Variants in MAPK3 observed in about 807,000 individuals in gnomAD.
The protein encoded by MAPK3 is mitogen-activated protein kinase 3.
MAPK3 carries 30 observed loss-of-function variants against 41.8 expected under a neutral mutation model. The ratio of observed to expected loss-of-function variants is 0.72; its 90% CI spans 0.54 to 0.97. MAPK3 has a LOEUF of 0.97. Ranked by LOEUF, MAPK3 falls within the 50% of genes least tolerant of loss-of-function variation. The pLI is 0.00. For missense variants in MAPK3, 413 were observed against 509.9 expected, an observed-to-expected ratio of 0.81 and a Z score of 1.83; for synonymous variants, 222 against 213.4, an observed-to-expected ratio of 1.04 and a Z score of -0.35.
chr16:30,116,808 G>T lies in MAPK3; in HGVS notation c.1018-18C>A. The stretch of plus-strand genomic sequence containing the variant: ...GCCACTGGCTGGGGTGGTAGAGACA[G>T]CAAGGCTCAGGCCTGGCATGGGGGA... On this transcript the variant is annotated intron_variant, in intron 7 of 8. Transcript: ENST00000263025. 2 of 1,613,762 alleles carry T rather than the reference G, an allele frequency of 1.2e-6. No individual in the cohort carries two copies. The highest frequency in any genetic ancestry group is 3.3e-5 in the Admixed American group (2 of 60,010).
At chr16:30,117,995 G>A in intron 4 of MAPK3, 52 bp downstream of exon 4, 1 of 1,528,396 alleles carries the variant, frequency 6.5e-7, no homozygotes, top group South Asian at 1.1e-5. Flanking sequence ...GGTAGCTCCA[G>A]GGCTTCCTGG....
intron 2 of MAPK3, among the ~76,000 whole-genome samples, chr16:30,119,615 C>T (rs1335437661): frequency 6.6e-6 from 1 of 152,160 alleles, no homozygotes; most frequent in Non-Finnish European, 1.5e-5. Flanking sequence ...AATGTATGAA[C>T]ACCATCTGGC....
In MAPK3 at chr16:30,117,681, T is replaced by C. The variant is rs1405884583; in HGVS notation, c.764A>G (p.Asn255Ser). The change falls in exon 5 of 9, where the codon AAC becomes AGC. Residue 255 changes from asparagine to serine, a missense_variant. Around this residue, in one of 4 missense-constraint regions of MAPK3, gnomAD observed 5 missense variants for 23.1 expected, o/e 0.22. Transcript: ENST00000263025. Reference sequence around the variant, plus strand: ...CGGGCCTCCCTCACCCAGAATGTGGTTGAGCTGATCCAGGTAGTGCTTGCC... The same window carrying C: ...CGGGCCTCCCTCACCCAGAATGTGGCTGAGCTGATCCAGGTAGTGCTTGCC... ...FPGKHYLDQLNHILGILGSPS... is the reference protein window; with the variant it reads ...FPGKHYLDQLSHILGILGSPS... 6.2e-7 allele frequency: 1 copy of C among 1,613,648 alleles called. No homozygotes were observed. Among genetic ancestry groups the C allele is most frequent in the South Asian group, 1.1e-5 (1 of 91,070 alleles).
Position 30,116,056 on chromosome 16 carries a change from C to CT in MAPK3, c.*32+579dup, listed in dbSNP as rs542597048. 447 of 120,224 alleles carry CT rather than the reference C, an allele frequency of 3.7e-3. 15 individuals carry two copies. The highest frequency in any genetic ancestry group is 0.012 in the Middle Eastern group (2 of 170). 7.4% of individuals were successfully genotyped at this position (120,224 alleles called of 1,614,324 possible). The stretch of plus-strand genomic sequence containing the variant: ...CAGGCATGAGCCACTGTGCCCAGCC[C>CT]TTTTTTTTTTTTTTTTGAGAGAGTC... On this transcript the variant is annotated intron_variant, in intron 8 of 8. Coordinates refer to ENST00000263025, the MANE Select transcript of MAPK3 (RefSeq NM_002746.3).
chr16:30,121,843 G>A lies in MAPK3; in HGVS notation c.334C>T (p.Leu112=). 6.2e-7 allele frequency: 1 copy of A among 1,614,040 alleles called. No individual in the cohort carries two copies. The highest frequency in any genetic ancestry group is 1.7e-5 in the Admixed American group (1 of 60,018). The change falls in exon 2 of 9, where the codon CTG becomes TTG. Residue 112 remains leucine, a synonymous_variant. Transcript: ENST00000263025. The stretch of plus-strand genomic sequence containing the variant: ...GGATACACATCTCTCATGGCTTCCA[G>A]GGTGGACGCCCGCAGAATGTCTCGG... ...GIRDILRAST[L]EAMRDVYIVQ...
In MAPK3 at chr16:30,121,998, T is replaced by C. The variant is rs147961867; in HGVS notation, c.179A>G (p.Tyr60Cys). 79 of 1,614,002 alleles carry C rather than the reference T, an allele frequency of 4.9e-5. No individual in the cohort carries two copies. The East Asian group carries it at 1.2e-3, about 26-fold the overall frequency. Residue 60 changes from tyrosine to cysteine, a missense_variant, in exon 2 of 9, where the codon TAT becomes TGT. Physicochemically the swap from Tyr to Cys is radical, Grantham distance 194. This residue lies in a region of MAPK3 where 145 missense variants were observed against 133.0 expected (regional missense o/e 1.09). Coordinates refer to ENST00000263025, the MANE Select transcript of MAPK3 (RefSeq NM_002746.3). ...CACGCGAGTCTTGCGCACGTGGTCA[T>C]AGGCCGAGCTGAGGGGACCGGAGAG... is the stretch of plus-strand genomic sequence containing the variant. ...EGAYGMVSSA[Y>C]DHVRKTRVAI...
intron 3 of MAPK3, 43 bp downstream of exon 3, chr16:30,118,306 C>T: frequency 6.3e-7 from 1 of 1,594,498 alleles, no homozygotes. Context: ...ACTGGAAGCC[C>T]CAGACCCTGG....
intron 1 of MAPK3, chr16:30,122,372 T>A (rs1428738244): frequency 3.0e-6 from 1 of 332,732 alleles, no homozygotes; most frequent in East Asian, 7.6e-5. Flanking sequence ...ATGGGGCAAA[T>A]ACTGGGAAGG....
rs1413776579 is a variant in MAPK3, at chr16:30,116,677, C to T, written c.1131G>A (p.Glu377=). The change falls in exon 8 of 9, where the codon GAG becomes GAA. Residue 377 remains glutamate (E), a synonymous_variant. Transcript: ENST00000263025. ...ETARFQPGVL[E]AP is the part of the protein sequence containing the mutation. ...GAGATGTCTGTCTGGGCTAGGGGGC[C>T]TCCAGCACTCCGGGCTGGAAGCGTG... 1.2e-6 allele frequency: 2 copies of T among 1,613,482 alleles called. No homozygotes were observed. The highest frequency in any genetic ancestry group is 2.2e-5 in the East Asian group (1 of 44,874).
intron 8 of MAPK3, 119 bp downstream of exon 8, chr16:30,116,517 A>G: frequency 2.6e-6 from 3 of 1,137,508 alleles, no homozygotes; most frequent in Non-Finnish European, 3.7e-6. Flanking sequence ...CACATTGACC[A>G]TGGGTGTGGG....
chr16:30,120,026 G>T (rs7199920), intron 2 of MAPK3, among the ~76,000 whole-genome samples: 4 of 152,104 alleles, frequency 2.6e-5, no homozygotes, highest in African/African-American at 9.7e-5. Flanking sequence ...AAAATTAGCC[G>T]GGCGTGGTGG....
rs764435667 is a variant in MAPK3, at chr16:30,121,991, G to A, written c.186C>T (p.His62=). ...TGATGGCCACGCGAGTCTTGCGCAC[G>A]TGGTCATAGGCCGAGCTGAGGGGAC... ...AYGMVSSAYD[H]VRKTRVAIKK... is the part of the protein sequence containing the mutation. Residue 62 remains histidine, a synonymous_variant, in exon 2 of 9, where the codon CAC becomes CAT. Transcript: ENST00000263025. 3.7e-6 allele frequency: 6 copies of A among 1,613,970 alleles called. No individual in the cohort carries two copies. The African/African-American group carries it at 8.0e-5, about 22-fold the overall frequency.
At chr16:30,119,152 A>G (rs1413163519) in intron 2 of MAPK3, among the ~76,000 whole-genome samples, 1 of 125,838 alleles carries the variant, frequency 7.9e-6, no homozygotes, top group Middle Eastern at 4.1e-3. Context: ...AAAAATAAAT[A>G]AATTAAAAAA....
intron 2 of MAPK3, 43 bp downstream of exon 2, chr16:30,121,781 C>T (rs759315888): frequency 4.4e-6 from 7 of 1,586,796 alleles, no homozygotes; most frequent in Non-Finnish European, 5.2e-6. Context: ...AGCCCAGCTG[C>T]GAGGCCGTGC....
intron 5 of MAPK3, 103 bp downstream of exon 5, chr16:30,117,567 T>G: frequency 1.1e-6 from 1 of 900,318 alleles, no homozygotes; most frequent in Non-Finnish European, 1.9e-6. Flanking sequence ...CATGAGATGC[T>G]GGAGGCACCC....
Position 30,121,987 on chromosome 16 carries a change from G to C in MAPK3, c.190C>G (p.Arg64Gly), listed in dbSNP as rs753070820. 4 of 1,614,012 alleles carry C rather than the reference G, an allele frequency of 2.5e-6. No homozygotes were observed. Among genetic ancestry groups the C allele is most frequent in the Non-Finnish European group, 3.4e-6 (4 of 1,180,046 alleles). Reference sequence around the variant, plus strand: ...TTCTTGATGGCCACGCGAGTCTTGCGCACGTGGTCATAGGCCGAGCTGAGG... The same window carrying C: ...TTCTTGATGGCCACGCGAGTCTTGCCCACGTGGTCATAGGCCGAGCTGAGG... ...GMVSSAYDHV[R>G]KTRVAIKKIS... Residue 64 changes from arginine (R) to glycine (G), a missense_variant, in exon 2 of 9, where the codon CGC (arginine) becomes GGC (glycine). By Grantham distance (125) the Arg-to-Gly change is moderately radical. Transcript: ENST00000263025.
chr16:30,121,975 C>T lies in MAPK3; in HGVS notation c.202G>A (p.Val68Met), dbSNP rs776770058. Residue 68 changes from valine (V) to methionine (M), a missense_variant, in exon 2 of 9, where the codon GTG (valine) becomes ATG (methionine). Coordinates refer to ENST00000263025, the MANE Select transcript of MAPK3 (RefSeq NM_002746.3). Reference sequence around the variant, plus strand: ...AAGGGGCTGATCTTCTTGATGGCCACGCGAGTCTTGCGCACGTGGTCATAG... The same window carrying T: ...AAGGGGCTGATCTTCTTGATGGCCATGCGAGTCTTGCGCACGTGGTCATAG... ...SAYDHVRKTR[V>M]AIKKISPFEH... The T allele has an allele frequency of 1.9e-6, 3 of 1,614,128 alleles. No individual in the cohort carries two copies. Among genetic ancestry groups the T allele is most frequent in the Middle Eastern group, 3.3e-4 (2 of 6,062 alleles).
chr16:30,119,157 A>G (rs1331765215), intron 2 of MAPK3, among the ~76,000 whole-genome samples: 1 of 56,172 alleles, frequency 1.8e-5, no homozygotes, highest in Non-Finnish European at 3.9e-5. Flanking sequence ...TAAATAAATT[A>G]AAAAAAAAAA....
intron 2 of MAPK3, among the ~76,000 whole-genome samples, chr16:30,120,476 A>T (rs1056858258): frequency 9.2e-5 from 14 of 152,148 alleles, no homozygotes; most frequent in Non-Finnish European, 1.6e-4. Context: ...CAGGAAGTGG[A>T]CAGCAAACTA....
Sources: allele counts gnomAD v4.1 joint callset (sites outside exome capture counted in the v4.1 genomes callset), GRCh38; gene constraint gnomAD v4.1.1; regional missense constraint gnomAD v4.1.1; transcripts MANE v1.5; gene names NCBI Gene and HGNC (gene_info 2026-07-23, HGNC 2026-07-21).